The following SEMA3A variants were observed in gnomAD, a reference collection of about 807,000 sequenced individuals.
SEMA3A encodes semaphorin 3A, also known as semaphorin-3A.
A neutral mutation model predicts 97.9 loss-of-function variants in SEMA3A; 29 were observed. The ratio of observed to expected loss-of-function variants is 0.30; its 90% confidence interval spans 0.22 to 0.40. SEMA3A has a LOEUF of 0.40. Ranked by LOEUF, SEMA3A falls within the 10% of genes least tolerant of loss-of-function variation. SEMA3A has a pLI of 1.00. For synonymous variants in SEMA3A, 321 were observed against 323.7 expected (o/e 0.99, Z 0.09); for missense variants, 763 against 951.3 (o/e 0.80, Z 2.60).
chr7:84,039,680 T>C (rs374465040), intron 6 of SEMA3A, among the ~76,000 whole-genome samples: 10 of 152,138 alleles, frequency 6.6e-5, no homozygotes, highest in Non-Finnish European at 1.0e-4. Flanking sequence ...CAGGAGAGTA[T>C]TGTGATAGTA....
chr7:83,988,517 G>A (rs184913729), intron 12 of SEMA3A, among the ~76,000 whole-genome samples: 452 of 152,196 alleles, frequency 3.0e-3, no homozygotes, highest in Middle Eastern at 6.8e-3. Flanking sequence ...ACTATGTGCT[G>A]TAGAACTGCA....
At chr7:84,381,116 T>C (rs79963083) in intron 1 of SEMA3A, among the ~76,000 whole-genome samples, 2,076 of 152,280 alleles carry the variant, frequency 0.014, 44 homozygotes, top group African/African-American at 0.047. Flanking sequence ...TTTCTTTCGT[T>C]CTTGGAGTTT....
chr7:84,361,114 T>A (rs1012899395), intron 2 of SEMA3A, among the ~76,000 whole-genome samples: 1 of 152,076 alleles, frequency 6.6e-6, no homozygotes, highest in South Asian at 2.1e-4. Flanking sequence ...TTGTGAGAGA[T>A]AAGATTTTAA....
At chr7:84,365,822 A>G (rs1197346281) in intron 2 of SEMA3A, among the ~76,000 whole-genome samples, 1 of 151,464 alleles carries the variant, frequency 6.6e-6, no homozygotes, top group East Asian at 1.9e-4. Flanking sequence ...TCACAAGATA[A>G]TTATTCTAAG....
intron 5 of SEMA3A, among the ~76,000 whole-genome samples, chr7:84,051,765 G>A (rs1205400768): frequency 6.6e-6 from 1 of 152,050 alleles, no homozygotes; most frequent in Admixed American, 6.6e-5. Flanking sequence ...GGAGTGGTGA[G>A]AGAGGGCATC....
intron 1 of SEMA3A, among the ~76,000 whole-genome samples, chr7:84,436,885 A>G (rs1481920213): frequency 6.6e-6 from 1 of 152,146 alleles, no homozygotes; most frequent in African/African-American, 2.4e-5. Context: ...AGGTGTAAAC[A>G]TTAAATTTTA....
intron 3 of SEMA3A, among the ~76,000 whole-genome samples, chr7:84,221,305 A>G (rs1025657673): frequency 6.6e-6 from 1 of 152,104 alleles, no homozygotes; most frequent in Non-Finnish European, 1.5e-5. Flanking sequence ...TTGATCTTCC[A>G]TCCAGACCAC....
chr7:84,165,806 G>A (rs764325992), intron 1 of SEMA3A, among the ~76,000 whole-genome samples: 6 of 152,062 alleles, frequency 3.9e-5, no homozygotes, highest in Non-Finnish European at 7.4e-5. Flanking sequence ...GCCCACCTCC[G>A]CCTCCCAAAG....
intron 1 of SEMA3A, among the ~76,000 whole-genome samples, chr7:84,150,408 C>A (rs956980042): frequency 6.6e-5 from 10 of 152,182 alleles, no homozygotes; most frequent in African/African-American, 1.7e-4. Context: ...CGAAGCAGGG[C>A]GAGGCATTGC....
At chr7:84,272,881 A>G (rs906562507) in intron 3 of SEMA3A, among the ~76,000 whole-genome samples, 1 of 152,100 alleles carries the variant, frequency 6.6e-6, no homozygotes, top group African/African-American at 2.4e-5. Context: ...TGTAAACGCA[A>G]TTATTTACAA....
rs201130876 is a variant in SEMA3A, at chr7:84,095,034, TAC to T, written c.453+15434_453+15435del. Reference sequence around the variant, plus strand: ...CCCACCATGAGTAAACATACACACTTACACACACACACACACAAAATATATAC... The same window carrying T: ...CCCACCATGAGTAAACATACACACTTACACACACACACACAAAATATATAC... On this transcript the variant is annotated intron_variant, in intron 4 of 16. Transcript: ENST00000265362. 1.1e-4 allele frequency among the ~76,000 whole-genome samples: 16 copies of T among 148,482 alleles called. 1 individual carries two copies. The highest frequency in any genetic ancestry group is 1.1e-3 in the South Asian group (5 of 4,714).
chr7:84,309,265 C>G (rs1368659974), intron 2 of SEMA3A, among the ~76,000 whole-genome samples: 14 of 152,018 alleles, frequency 9.2e-5, no homozygotes, highest in Admixed American at 9.2e-4. Context: ...TATCCAGAGA[C>G]AGAGAAAATT....
At chr7:84,096,973 T>C (rs1302456993) in intron 4 of SEMA3A, among the ~76,000 whole-genome samples, 1 of 152,108 alleles carries the variant, frequency 6.6e-6, no homozygotes, top group Non-Finnish European at 1.5e-5. Context: ...AAAAGTATGA[T>C]CTGGTGTCAA....
intron 5 of SEMA3A, among the ~76,000 whole-genome samples, chr7:84,056,582 GA>G (rs370553384): frequency 1.3e-4 from 19 of 144,332 alleles, no homozygotes; most frequent in South Asian, 4.4e-4. Context: ...ACAGAAGGGG[GA>G]AAAAAAAAAG....
At chr7:84,070,123 TGAAA>T (rs1312364481) in intron 4 of SEMA3A, among the ~76,000 whole-genome samples, 4 of 151,370 alleles carry the variant, frequency 2.6e-5, no homozygotes, top group Admixed American at 6.6e-5. Context: ...TTACATGGGC[TGAAA>T]GAGTTTTCAC....
chr7:83,977,046 C>T lies in SEMA3A; in HGVS notation c.1717+86G>A, dbSNP rs974188973. 1.4e-5 allele frequency: 9 copies of T among 623,532 alleles called. No homozygotes were observed. In the African/African-American group the frequency reaches 1.8e-4, roughly 12 times the overall value. The allele number at this position is 623,532 out of a possible 1,614,324, so 38.6% of individuals were successfully genotyped here. A position where few individuals can be genotyped will look rare whatever the true frequency, so the allele number is the denominator to read the frequency against. On this transcript the variant is annotated intron_variant, in intron 15 of 16. Transcript: ENST00000265362. The stretch of plus-strand genomic sequence containing the variant: ...ATTTCTTTAAGTATTCTGAGAGATG[C>T]ATACATTGCATGCATATGCATGAAT...
At chr7:84,481,279 G>A (rs1049538547) in intron 1 of SEMA3A, among the ~76,000 whole-genome samples, 2 of 152,128 alleles carry the variant, frequency 1.3e-5, no homozygotes, top group African/African-American at 4.8e-5. Flanking sequence ...TTTTGCATGT[G>A]TCTCATTATT....
chr7:84,001,149 C>T (rs1031185131), intron 12 of SEMA3A, among the ~76,000 whole-genome samples: 9 of 151,750 alleles, frequency 5.9e-5, no homozygotes, highest in African/African-American at 2.2e-4. Flanking sequence ...AACACATTTA[C>T]AGGCATGTAT....
intron 4 of SEMA3A, among the ~76,000 whole-genome samples, chr7:84,066,823 T>C (rs2115729372): frequency 6.6e-6 from 1 of 152,172 alleles, no homozygotes; most frequent in East Asian, 1.9e-4. Context: ...GAAGAATCAA[T>C]ATCGTGAAAA....
Sources: gnomAD v4.1 joint callset for allele counts (sites outside exome capture counted in the v4.1 genomes callset) on GRCh38, gnomAD v4.1.1 for gene constraint, MANE v1.5 for transcripts, NCBI Gene and HGNC (gene_info 2026-07-23, HGNC 2026-07-21) for gene names.